Variants in GABRA3 observed in about 807,000 individuals in gnomAD.
GABRA3 encodes the protein gamma-aminobutyric acid receptor subunit alpha-3.
A neutral mutation model predicts 30.1 loss-of-function variants in GABRA3; 10 were observed. The observed-to-expected ratio is 0.33, with a 90% CI of 0.20 to 0.56. GABRA3 has a LOEUF of 0.56. Ranked by LOEUF, GABRA3 falls within the 20% of genes least tolerant of loss-of-function variation. GABRA3 has a pLI of 0.89. For synonymous variants in GABRA3, 151 were observed against 146.8 expected (o/e 1.03, Z -0.21); for missense variants, 233 against 392.0 (o/e 0.59, Z 3.42).
chrX:152,185,457 T>C (rs112062069), intron 9 of GABRA3, among the ~76,000 whole-genome samples: 221 of 111,626 alleles, frequency 2.0e-3, no homozygotes, highest in African/African-American at 6.6e-3. Context: ...CTCTAGAGTT[T>C]CTAACAATCT....
chrX:152,251,212 A>T (rs1170070773), intron 5 of GABRA3: 2 of 241,783 alleles, frequency 8.3e-6, no homozygotes, highest in African/African-American at 6.0e-5. Context: ...TTCTACATAG[A>T]CTCTAATCTC....
chrX:152,336,140 T>A (rs779598324), intron 3 of GABRA3, among the ~76,000 whole-genome samples: 28 of 110,548 alleles, frequency 2.5e-4, no homozygotes, highest in South Asian at 3.9e-4. Context: ...ATTTTTTCTA[T>A]CCCACCCCAC....
intron 5 of GABRA3, among the ~76,000 whole-genome samples, chrX:152,239,096 T>C (rs1482354493): frequency 1.9e-5 from 2 of 102,923 alleles, no homozygotes; most frequent in Admixed American, 2.1e-4. Context: ...AGGGTGTCAA[T>C]TTTGGATCTT....
At chrX:152,393,274 C>T (rs751353217) in intron 1 of GABRA3, 7 of 240,471 alleles carry the variant, frequency 2.9e-5, no homozygotes, top group Non-Finnish European at 5.5e-5. Flanking sequence ...ATTAGAAAGC[C>T]CAGTGACATG....
At chrX:152,421,842 G>C (rs1023680273) in intron 1 of GABRA3, among the ~76,000 whole-genome samples, 2 of 111,374 alleles carry the variant, frequency 1.8e-5, no homozygotes, top group African/African-American at 6.5e-5. Flanking sequence ...AAATTACTAT[G>C]ATAAGATACC....
At chrX:152,197,439 C>T (rs1937404061) in intron 8 of GABRA3, among the ~76,000 whole-genome samples, 194 bp downstream of exon 8, 1 of 111,166 alleles carries the variant, frequency 9.0e-6, no homozygotes, top group South Asian at 3.9e-4. Flanking sequence ...CTTACTGGTC[C>T]AACAGTCTTC....
At chrX:152,246,667 G>A (rs1312096941) in intron 5 of GABRA3, among the ~76,000 whole-genome samples, 1 of 111,256 alleles carries the variant, frequency 9.0e-6, no homozygotes, top group African/African-American at 3.3e-5. Context: ...ATTGACTGAG[G>A]ACTTACACCA....
At chrX:152,206,887 C>T (rs1056538097) in intron 7 of GABRA3, among the ~76,000 whole-genome samples, 2 of 110,784 alleles carry the variant, frequency 1.8e-5, no homozygotes, top group Admixed American at 1.9e-4. Flanking sequence ...CACAGAACAG[C>T]CCACCCACCC....
chrX:152,360,710 AT>A (rs1569407627), intron 2 of GABRA3, among the ~76,000 whole-genome samples: 6 of 83,856 alleles, frequency 7.2e-5, no homozygotes, highest in African/African-American at 9.8e-5. Flanking sequence ...AAAAAAAAAA[AT>A]TAAAAAAAAA....
intron 4 of GABRA3, among the ~76,000 whole-genome samples, chrX:152,282,226 G>A (rs1325620496): frequency 9.0e-6 from 1 of 111,186 alleles, no homozygotes; most frequent in Non-Finnish European, 1.9e-5. Flanking sequence ...GGACCCAAAC[G>A]CCCTCTTTTC....
intron 1 of GABRA3, among the ~76,000 whole-genome samples, chrX:152,414,731 C>T (rs140158684): frequency 9.1e-6 from 1 of 109,418 alleles, no homozygotes; most frequent in Non-Finnish European, 1.9e-5. Flanking sequence ...AAAGCCTACA[C>T]AAAAATGTTT....
intron 5 of GABRA3, among the ~76,000 whole-genome samples, chrX:152,241,422 G>A (rs1191132437): frequency 9.5e-6 from 1 of 104,716 alleles, no homozygotes; most frequent in African/African-American, 3.3e-5. Flanking sequence ...GTCAGACAGG[G>A]ACACTTAAGT....
intron 1 of GABRA3, among the ~76,000 whole-genome samples, chrX:152,434,529 T>C (rs2124547503): frequency 9.0e-6 from 1 of 111,669 alleles, no homozygotes; most frequent in Non-Finnish European, 1.9e-5. Flanking sequence ...GAAAAAACAC[T>C]TCCCACCTCA....
intron 7 of GABRA3, among the ~76,000 whole-genome samples, chrX:152,202,133 G>A (rs1279085500): frequency 3.6e-5 from 4 of 111,411 alleles, no homozygotes; most frequent in Non-Finnish European, 3.8e-5. Flanking sequence ...AAGAGCAGAC[G>A]GCCTCTGCAT....
chrX:152,288,500 G>C (rs1939337443), intron 3 of GABRA3, among the ~76,000 whole-genome samples: 1 of 112,229 alleles, frequency 8.9e-6, no homozygotes, highest in Non-Finnish European at 1.9e-5. Flanking sequence ...GTACATGTTA[G>C]CTAATGCTGC....
At chrX:152,317,387 CCACTGACAG>C (rs1422796431) in intron 3 of GABRA3, among the ~76,000 whole-genome samples, 1 of 111,407 alleles carries the variant, frequency 9.0e-6, no homozygotes, top group Non-Finnish European at 1.9e-5. Context: ...CTTCAATACT[CCACTGACAG>C]CACTAGACAG....
Position 152,288,130 on chromosome X carries a change from G to A in GABRA3, c.263-3395C>T, listed in dbSNP as rs369647310. ...GGTATCATAAGTGAGAGAGGGCTCT[G>A]AATTTATGTTACCATCCACAGGCCT... On this transcript the variant is annotated intron_variant, in intron 3 of 9. Transcript: ENST00000370314. Among the ~76,000 whole-genome samples, 217 of 111,902 alleles carry A rather than the reference G, an allele frequency of 1.9e-3. 4 individuals carry two copies. In the South Asian group the frequency reaches 0.076, roughly 39 times the overall value.
At chrX:152,363,242 A>C (rs1487904108) in intron 2 of GABRA3, among the ~76,000 whole-genome samples, 1 of 112,163 alleles carries the variant, frequency 8.9e-6, no homozygotes, top group Non-Finnish European at 1.9e-5. Flanking sequence ...TCTTTGATGT[A>C]CCTGTGTAGT....
intron 1 of GABRA3, among the ~76,000 whole-genome samples, chrX:152,388,888 C>T (rs1309026645): frequency 9.1e-6 from 1 of 109,980 alleles, no homozygotes; most frequent in East Asian, 3.0e-4. Context: ...ACATTTGCTG[C>T]AAGGCATGCA....
Sources: allele counts gnomAD v4.1 joint callset (sites outside exome capture counted in the v4.1 genomes callset), GRCh38; gene constraint gnomAD v4.1.1; transcripts MANE v1.5; gene names NCBI Gene and HGNC (gene_info 2026-07-23, HGNC 2026-07-21).